The following CLSTN2 variants were observed in gnomAD, a reference collection of about 807,000 sequenced individuals.
The protein encoded by CLSTN2 is calsyntenin 2.
Under a neutral mutation model 101.2 loss-of-function variants are expected in CLSTN2, and 48 were observed. The observed-to-expected ratio is 0.47, with a 90% CI of 0.38 to 0.60. The LOEUF (loss-of-function observed/expected upper bound fraction) is 0.60. Ranked by LOEUF, CLSTN2 falls within the 20% of genes least tolerant of loss-of-function variation. The probability of loss-of-function intolerance (pLI) is 0.00; values close to 1 mark genes in which losing one functional copy is unlikely to be tolerated. For synonymous variants in CLSTN2, 481 were observed against 463.6 expected, an observed-to-expected ratio of 1.04 and a Z score of -0.48; for missense variants, 1,160 against 1,238.2, an observed-to-expected ratio of 0.94 and a Z score of 0.95.
At chr3:140,000,368 ATG>A (rs2006803428) in intron 1 of CLSTN2, among the ~76,000 whole-genome samples, 1 of 152,228 alleles carries the variant, frequency 6.6e-6, no homozygotes, top group African/African-American at 2.4e-5. Context: ...GTTAATATAC[ATG>A]TGAAATGTGA....
chr3:140,483,621 G>T (rs550793424), intron 8 of CLSTN2, among the ~76,000 whole-genome samples: 45 of 152,156 alleles, frequency 3.0e-4, no homozygotes, highest in Admixed American at 1.4e-3. Context: ...ATGAATCTGG[G>T]TGCTCCTGTA....
At chr3:140,228,068 C>A (rs948124502) in intron 2 of CLSTN2, among the ~76,000 whole-genome samples, 17 of 152,216 alleles carry the variant, frequency 1.1e-4, no homozygotes, top group African/African-American at 4.1e-4. Context: ...ATGCAAATTT[C>A]TGCAGCTGGC....
intron 2 of CLSTN2, among the ~76,000 whole-genome samples, chr3:140,306,493 T>G (rs1208629328): frequency 6.6e-6 from 1 of 152,108 alleles, no homozygotes; most frequent in Non-Finnish European, 1.5e-5. Context: ...GAGGCCCAGG[T>G]TGAACCTTTG....
chr3:139,990,368 G>A (rs1002929608), intron 1 of CLSTN2, among the ~76,000 whole-genome samples: 2 of 152,134 alleles, frequency 1.3e-5, no homozygotes, highest in Admixed American at 6.5e-5. Flanking sequence ...AAAATGAAAA[G>A]CAGCCTTAAA....
chr3:140,248,384 C>G (rs900651752), intron 2 of CLSTN2, among the ~76,000 whole-genome samples: 5 of 152,134 alleles, frequency 3.3e-5, no homozygotes, highest in Non-Finnish European at 7.3e-5. Flanking sequence ...GCTTCAAGTC[C>G]AAAGGAGAAA....
intron 1 of CLSTN2, among the ~76,000 whole-genome samples, chr3:139,995,361 A>C (rs2107830035): frequency 6.6e-6 from 1 of 152,302 alleles, no homozygotes; most frequent in South Asian, 2.1e-4. Flanking sequence ...GCTATTGTCT[A>C]TCCTGATTTT....
chr3:140,136,512 G>A (rs1455431508), intron 1 of CLSTN2, among the ~76,000 whole-genome samples: 1 of 152,108 alleles, frequency 6.6e-6, no homozygotes, highest in Non-Finnish European at 1.5e-5. Context: ...TTTATTATGC[G>A]GTCTGTGGTA....
intron 2 of CLSTN2, among the ~76,000 whole-genome samples, chr3:140,251,599 T>TTTCCTTTCCTTTCC (rs1376727921): frequency 3.0e-4 from 44 of 148,354 alleles, no homozygotes; most frequent in Admixed American, 6.8e-4. Flanking sequence ...TTTCCTTTCC[T>TTTCCTTTCCTTTCC]TTCCTTTCCT....
chr3:140,137,910 C>T (rs2009639291), intron 1 of CLSTN2, among the ~76,000 whole-genome samples: 1 of 152,174 alleles, frequency 6.6e-6, no homozygotes, highest in East Asian at 1.9e-4. Flanking sequence ...ATTCCAAACG[C>T]TTTCGCCTTC....
intron 2 of CLSTN2, among the ~76,000 whole-genome samples, chr3:140,240,302 A>ATG (rs2086454842): frequency 6.7e-5 from 1 of 14,996 alleles, no homozygotes; most frequent in African/African-American, 1.1e-4. Context: ...ACATATATAT[A>ATG]TATACACACA....
At chr3:140,205,057 T>C (rs903416071) in intron 2 of CLSTN2, among the ~76,000 whole-genome samples, 6 of 151,818 alleles carry the variant, frequency 4.0e-5, no homozygotes, top group African/African-American at 1.5e-4. Context: ...GAAAAGAGGG[T>C]AGGCATTTTC....
At position 140,364,138 on chromosome 3, in the gene CLSTN2, C is replaced by T. The variant is rs144951063; in HGVS notation, c.233-39491C>T. ...TAATGAGTCCTCCATCTTATCCACC[C>T]GCTTCCCAGAAGTCACTTCCAAGGA... On this transcript the variant is annotated intron_variant, in intron 2 of 16. Transcript: ENST00000458420. 1.5e-4 allele frequency among the ~76,000 whole-genome samples: 23 copies of T among 152,240 alleles called. 1 individual carries two copies. In the East Asian group the frequency reaches 3.7e-3, roughly 24 times the overall value.
chr3:140,102,683 C>A (rs780269593), intron 1 of CLSTN2, among the ~76,000 whole-genome samples: 1 of 152,156 alleles, frequency 6.6e-6, no homozygotes, highest in Non-Finnish European at 1.5e-5. Flanking sequence ...GTATGAGAGG[C>A]TGGGGAACAG....
At chr3:140,237,946 T>A (rs1022350507) in intron 2 of CLSTN2, among the ~76,000 whole-genome samples, 5 of 152,196 alleles carry the variant, frequency 3.3e-5, no homozygotes, top group Non-Finnish European at 7.3e-5. Flanking sequence ...TAGGCTCTGC[T>A]GTCTCAAAAG....
chr3:139,949,508 A>C (rs570038777), intron 1 of CLSTN2, among the ~76,000 whole-genome samples: 1 of 152,182 alleles, frequency 6.6e-6, no homozygotes, highest in Non-Finnish European at 1.5e-5. Context: ...GATACATTCA[A>C]GATGGGGAGA....
At chr3:140,109,704 G>C (rs1261732497) in intron 1 of CLSTN2, among the ~76,000 whole-genome samples, 2 of 152,168 alleles carry the variant, frequency 1.3e-5, no homozygotes, top group Non-Finnish European at 2.9e-5. Flanking sequence ...GGTTGGTAGA[G>C]AGGGCAACTC....
intron 1 of CLSTN2, among the ~76,000 whole-genome samples, chr3:140,079,118 ACAT>A (rs2008542996): frequency 1.3e-5 from 2 of 152,164 alleles, no homozygotes; most frequent in African/African-American, 2.4e-5. Context: ...GACTCAGGTG[ACAT>A]CATGTCTATT....
intron 12 of CLSTN2, among the ~76,000 whole-genome samples, chr3:140,561,258 G>A (rs1309110404): frequency 2.4e-4 from 37 of 152,124 alleles, no homozygotes; most frequent in Non-Finnish European, 1.5e-5. Flanking sequence ...GTGAGATGGG[G>A]ATAGTAATAG....
intron 4 of CLSTN2, among the ~76,000 whole-genome samples, chr3:140,418,866 T>A (rs1000619393): frequency 1.3e-5 from 2 of 152,122 alleles, no homozygotes; most frequent in African/African-American, 4.8e-5. Flanking sequence ...TATTCCCTCC[T>A]GGACATCAGT....
Sources: gnomAD v4.1 joint callset for allele counts (sites outside exome capture counted in the v4.1 genomes callset) on GRCh38, gnomAD v4.1.1 for gene constraint, MANE v1.5 for transcripts, NCBI Gene and HGNC (gene_info 2026-07-23, HGNC 2026-07-21) for gene names.